Variants in WSCD2 observed in about 807,000 individuals in gnomAD.
The protein encoded by WSCD2 is WSC domain sialate O sulfotransferase 2.
WSCD2 carries 28 observed loss-of-function variants against 55.7 expected under a neutral mutation model. That is an observed-to-expected ratio of 0.50 (90% confidence interval 0.37 to 0.69). The LOEUF (loss-of-function observed/expected upper bound fraction) is 0.69. Among genes scored for constraint, WSCD2 ranks in the 30% least tolerant of loss-of-function variants. WSCD2 has a pLI of 0.00. For synonymous variants in WSCD2, 301 were observed against 301.9 expected (o/e 1.00, Z 0.03); for missense variants, 616 against 762.1 (o/e 0.81, Z 2.26).
Position 108,248,069 on chromosome 12 carries a change from T to C in WSCD2, c.1424T>C (p.Val475Ala). 1 of 1,614,178 alleles carries C rather than the reference T, an allele frequency of 6.2e-7. No individual in the cohort carries two copies. The highest frequency in any genetic ancestry group is 8.5e-7 in the Non-Finnish European group (1 of 1,180,026). The part of the protein sequence containing the change: ...TLDWLKFGKK[V>A]LVVHFEDLKQ... ...GACTGGCTCAAGTTTGGCAAGAAGGTGCTGGTGGTGCACTTTGAGGACCTG... is the reference window on the plus strand; with the variant it reads ...GACTGGCTCAAGTTTGGCAAGAAGGCGCTGGTGGTGCACTTTGAGGACCTG... Residue 475 changes from valine to alanine, a missense_variant, in exon 9 of 9, where the codon GTG becomes GCG. Physicochemically the swap from Val to Ala is moderately conservative, Grantham distance 64 (BLOSUM62 0). This residue lies in a region of WSCD2 where 234 missense variants were observed against 264.6 expected (regional missense o/e 0.88). Coordinates refer to ENST00000547525, the MANE Select transcript of WSCD2 (RefSeq NM_014653.4). This position sits in a 1 kb window ranked among gnomAD's most constrained non-coding sequence, Gnocchi z 4.3.
intron 6 of WSCD2, among the ~76,000 whole-genome samples, chr12:108,230,700 AGAC>A (rs950509809): frequency 4.6e-5 from 7 of 152,360 alleles, no homozygotes; most frequent in African/African-American, 1.4e-4. Context: ...AGAACAGGGA[AGAC>A]CCTGGTAAAA....
intron 1 of WSCD2, among the ~76,000 whole-genome samples, chr12:108,172,395 A>G (rs923195701): frequency 6.6e-6 from 1 of 152,236 alleles, no homozygotes; most frequent in African/African-American, 2.4e-5. Context: ...GTGGCATTCA[A>G]TGCCAGATAT....
chr12:108,154,879 G>A (rs974158941), intron 1 of WSCD2, among the ~76,000 whole-genome samples: 1 of 152,186 alleles, frequency 6.6e-6, no homozygotes, highest in Non-Finnish European at 1.5e-5. Context: ...GGGCACTTAT[G>A]ATTTTTGTAA....
At chr12:108,180,980 C>T (rs1881654762) in intron 1 of WSCD2, among the ~76,000 whole-genome samples, 1 of 152,248 alleles carries the variant, frequency 6.6e-6, no homozygotes, top group African/African-American at 2.4e-5. Flanking sequence ...CTGCAAATGT[C>T]ACCCAGGACA....
intron 1 of WSCD2, among the ~76,000 whole-genome samples, chr12:108,154,223 A>G (rs1287045034): frequency 2.6e-5 from 4 of 152,132 alleles, no homozygotes; most frequent in Admixed American, 1.3e-4. Context: ...TTATTCTACT[A>G]CAGTTCTGAA....
chr12:108,234,014 A>G (rs762192107), intron 7 of WSCD2, among the ~76,000 whole-genome samples: 2 of 152,194 alleles, frequency 1.3e-5, no homozygotes, highest in Non-Finnish European at 2.9e-5. Flanking sequence ...AAGAGTACGT[A>G]CCTCATGAGG....
intron 4 of WSCD2, among the ~76,000 whole-genome samples, chr12:108,220,507 A>G (rs1276444394): frequency 6.6e-6 from 1 of 152,174 alleles, no homozygotes; most frequent in Non-Finnish European, 1.5e-5. Flanking sequence ...CAACCAGTAC[A>G]TGGTAGCAAT....
chr12:108,201,543 T>C (rs901287293), intron 2 of WSCD2, among the ~76,000 whole-genome samples: 8 of 151,726 alleles, frequency 5.3e-5, no homozygotes, highest in African/African-American at 1.9e-4. Context: ...GGGCACACAA[T>C]TCAGCCTGAC....
chr12:108,151,211 T>C (rs1251500179), intron 1 of WSCD2, among the ~76,000 whole-genome samples: 1 of 152,160 alleles, frequency 6.6e-6, no homozygotes, highest in African/African-American at 2.4e-5. Context: ...TGTGGTGAGA[T>C]AATTTCTTTC....
intron 1 of WSCD2, among the ~76,000 whole-genome samples, chr12:108,164,139 C>CTTTTTTTTTTTTTTTTT (rs1555224800): frequency 4.2e-4 from 36 of 85,300 alleles, no homozygotes; most frequent in Non-Finnish European, 6.3e-4. Flanking sequence ...ATCTTAAATC[C>CTTTTTTTTTTTTTTTTT]TTTTTTTTTT....
intron 1 of WSCD2, among the ~76,000 whole-genome samples, chr12:108,155,266 T>TG (rs1565921578): frequency 1.3e-5 from 2 of 152,240 alleles, no homozygotes; most frequent in East Asian, 3.9e-4. Flanking sequence ...AGTTGGTATA[T>TG]GGGGGTAGTG....
chr12:108,232,463 C>A (rs111578130), intron 6 of WSCD2, among the ~76,000 whole-genome samples: 2,942 of 152,214 alleles, frequency 0.019, 40 homozygotes, highest in Non-Finnish European at 0.032. Flanking sequence ...CTATTGGATC[C>A]CTACTATGGG....
rs1354557606 is a variant in WSCD2 at position 108,250,307 on chromosome 12, G to C, written c.*1964G>C. 6.6e-6 allele frequency: 1 copy of C among 152,184 alleles called. No homozygotes were observed. The highest frequency in any genetic ancestry group is 1.5e-5 in the Non-Finnish European group (1 of 68,068). The allele number at this position is 152,184 out of a possible 1,614,324, so 9.4% of individuals were successfully genotyped here. ...TAGACAGAAAATGTTCGGGGTGGCA[G>C]GCGGGTTGGTGTATAACTGCTTTGT... On this transcript the variant is annotated 3_prime_UTR_variant, in exon 9 of 9. Transcript: ENST00000547525.
At chr12:108,131,465 G>A (rs1047669520) in intron 1 of WSCD2, among the ~76,000 whole-genome samples, 2 of 152,144 alleles carry the variant, frequency 1.3e-5, no homozygotes, top group African/African-American at 4.8e-5. Flanking sequence ...TCCACGCTTC[G>A]GCTCCTCCAC....
chr12:108,216,507 G>T (rs1886848205), intron 4 of WSCD2, among the ~76,000 whole-genome samples: 1 of 152,210 alleles, frequency 6.6e-6, no homozygotes, highest in South Asian at 2.1e-4. Flanking sequence ...ATCTGTGAAG[G>T]ATTTTCCTTG....
chr12:108,224,672 T>C, intron 4 of WSCD2, 67 bp from the exon 5 acceptor site: 1 of 1,556,098 alleles, frequency 6.4e-7, no homozygotes, highest in Non-Finnish European at 8.7e-7. Flanking sequence ...TTCTTCAGAA[T>C]GTGGTTTTCC....
intron 1 of WSCD2, among the ~76,000 whole-genome samples, chr12:108,170,394 G>T (rs1239468690): frequency 6.6e-6 from 1 of 152,148 alleles, no homozygotes; most frequent in African/African-American, 2.4e-5. Context: ...TGATGGTGAT[G>T]ATGTAAATAT....
intron 1 of WSCD2, among the ~76,000 whole-genome samples, chr12:108,158,633 A>G (rs1375293259): frequency 6.6e-6 from 1 of 152,042 alleles, no homozygotes; most frequent in Non-Finnish European, 1.5e-5. Flanking sequence ...AGAGGTGGCA[A>G]TGATGCTTCT....
chr12:108,238,691 C>T (rs1254909957), intron 7 of WSCD2, among the ~76,000 whole-genome samples: 2 of 152,186 alleles, frequency 1.3e-5, no homozygotes, highest in Non-Finnish European at 2.9e-5. Context: ...AGAGAGGTGA[C>T]ATGATATCCA....
Sources: allele counts gnomAD v4.1 joint callset (sites outside exome capture counted in the v4.1 genomes callset), GRCh38; gene constraint gnomAD v4.1.1; regional missense constraint gnomAD v4.1.1; non-coding constraint Gnocchi (gnomAD v3.1); transcripts MANE v1.5; gene names NCBI Gene and HGNC (gene_info 2026-07-23, HGNC 2026-07-21).